Variants in FZD6 observed in about 807,000 individuals in gnomAD.
FZD6 encodes the protein frizzled class receptor 6, also known as frizzled-6.
Under a neutral mutation model 61.4 loss-of-function variants are expected in FZD6, and 49 were observed. The ratio of observed to expected loss-of-function variants is 0.80; its 90% CI spans 0.63 to 1.01. The LOEUF is 1.01. Among genes scored for constraint, FZD6 ranks in the 50% least tolerant of loss-of-function variants. The pLI is 0.00. For missense variants in FZD6, 724 were observed against 848.2 expected (o/e 0.85, Z 1.82); for synonymous variants, 265 against 292.2 (o/e 0.91, Z 0.95).
intron 3 of FZD6, among the ~76,000 whole-genome samples, chr8:103,321,710 A>G (rs1184166546): frequency 1.3e-5 from 2 of 152,236 alleles, no homozygotes; most frequent in Non-Finnish European, 2.9e-5. Context: ...AGCTCATCAG[A>G]GCACAGGCAC....
At chr8:103,305,275 A>G (rs1215163541) in intron 2 of FZD6, among the ~76,000 whole-genome samples, 1 of 152,258 alleles carries the variant, frequency 6.6e-6, no homozygotes, top group Non-Finnish European at 1.5e-5. Context: ...TGTTTGGAGC[A>G]GCAAGTGGTC....
rs1237305973 is a variant in FZD6 at position 103,312,741 on chromosome 8, C to CTA, written c.178-5848_178-5847dup. Among the ~76,000 whole-genome samples the CTA allele has an allele frequency of 2.0e-5, 3 of 152,182 alleles. No individual in the cohort carries two copies. The East Asian group carries it at 5.8e-4, about 29-fold the overall frequency. On this transcript the variant is annotated intron_variant, in intron 2 of 6. Coordinates refer to ENST00000358755, the MANE Select transcript of FZD6 (RefSeq NM_003506.4). ...TATAATGAGTTCAATACTAGGCTGA[C>CTA]TACCCATTATTTAAAGTGCTGTGAT...
chr8:103,331,382 A>G lies in FZD6; in HGVS notation c.1994A>G (p.Gln665Arg). Residue 665 changes from glutamine to arginine, a missense_variant, in exon 7 of 7, where the codon CAG becomes CGG. Transcript: ENST00000358755. ...GATATTACTGACACTGGCCTGGCAC[A>G]GAGCAACAATTTGCAGGTCCCCAGT... ...KSDITDTGLA[Q>R]SNNLQVPSSS... The G allele has an allele frequency of 5.6e-6, 9 of 1,613,128 alleles. No individual in the cohort carries two copies. The highest frequency in any genetic ancestry group is 7.6e-6 in the Non-Finnish European group (9 of 1,179,060).
At chr8:103,313,792 G>A (rs1387190503) in intron 2 of FZD6, among the ~76,000 whole-genome samples, 2 of 145,644 alleles carry the variant, frequency 1.4e-5, no homozygotes, top group South Asian at 2.2e-4. Flanking sequence ...GTGTGTGTGT[G>A]TGTGTGTGTG....
At chr8:103,307,881 G>A (rs779108001) in intron 2 of FZD6, 12 of 456,064 alleles carry the variant, frequency 2.6e-5, no homozygotes, top group South Asian at 1.2e-4. Flanking sequence ...GCTGGCACAG[G>A]TATGGTCTAC....
chr8:103,310,436 T>C (rs1318586269), intron 2 of FZD6, among the ~76,000 whole-genome samples: 1 of 152,072 alleles, frequency 6.6e-6, no homozygotes, highest in Non-Finnish European at 1.5e-5. Flanking sequence ...GACAACCTGC[T>C]ATTTTTTTTT....
intron 2 of FZD6, among the ~76,000 whole-genome samples, chr8:103,310,705 C>T (rs1814471448): frequency 2.0e-5 from 3 of 152,232 alleles, no homozygotes; most frequent in Admixed American, 6.5e-5. Flanking sequence ...TTTTCTGGTT[C>T]TCTGGCAGCA....
At chr8:103,302,591 T>C (rs1278342964) in intron 2 of FZD6, among the ~76,000 whole-genome samples, 1 of 152,224 alleles carries the variant, frequency 6.6e-6, no homozygotes. Context: ...CATAATGTCA[T>C]CTTTAACTGG....
rs1316246248 is a variant in FZD6 at position 103,332,341 on chromosome 8, A to C, written c.*832A>C. On this transcript the variant is annotated 3_prime_UTR_variant, in exon 7 of 7. Coordinates refer to ENST00000358755, the MANE Select transcript of FZD6 (RefSeq NM_003506.4). ...AAGTGCAATTGACTTCCCTTTTTTA[A>C]TGTTTCATGACCACCCATTGATTGT... 6.6e-6 allele frequency: 1 copy of C among 152,128 alleles called. No homozygotes were observed. Among genetic ancestry groups the C allele is most frequent in the African/African-American group, 2.4e-5 (1 of 41,452 alleles). 9.4% of individuals were successfully genotyped at this position (152,128 alleles called of 1,614,324 possible).
chr8:103,331,394 T>C lies in FZD6; in HGVS notation c.2006T>C (p.Leu669Ser), dbSNP rs777245445. The C allele has an allele frequency of 6.2e-7, 1 of 1,611,992 alleles. No individual in the cohort carries two copies. The highest frequency in any genetic ancestry group is 8.5e-7 in the Non-Finnish European group (1 of 1,178,046). The change falls in exon 7 of 7, where the codon TTG becomes TCG. Residue 669 changes from leucine to serine, a missense_variant. By Grantham distance (145) the Leu-to-Ser change is moderately radical (BLOSUM62 -2). Coordinates refer to ENST00000358755, the MANE Select transcript of FZD6 (RefSeq NM_003506.4). Reference protein sequence around the residue: ...TDTGLAQSNNLQVPSSSEPSS... With the variant: ...TDTGLAQSNNSQVPSSSEPSS... ...ACTGGCCTGGCACAGAGCAACAATTTGCAGGTCCCCAGTTCTTCAGAACCA... is the reference window on the plus strand; with the variant it reads ...ACTGGCCTGGCACAGAGCAACAATTCGCAGGTCCCCAGTTCTTCAGAACCA...
At position 103,319,348 on chromosome 8, in the gene FZD6, A is replaced by C. The variant is rs374624098; in HGVS notation, c.374+562A>C. On this transcript the variant is annotated intron_variant, in intron 3 of 6. Coordinates refer to ENST00000358755, the MANE Select transcript of FZD6 (RefSeq NM_003506.4). ...AGTGAGAAAGAATATGGTGCAAGATAAGGAAAGAGAGAGAAGCAGCAGTCA... is the reference window on the plus strand; with the variant it reads ...AGTGAGAAAGAATATGGTGCAAGATCAGGAAAGAGAGAGAAGCAGCAGTCA... Among the ~76,000 whole-genome samples the C allele has an allele frequency of 2.6e-5, 4 of 152,300 alleles. No homozygotes were observed. In the East Asian group the frequency reaches 5.8e-4, roughly 22 times the overall value.
chr8:103,330,294 A>G (rs912626056), intron 6 of FZD6, among the ~76,000 whole-genome samples: 1 of 152,170 alleles, frequency 6.6e-6, no homozygotes, highest in African/African-American at 2.4e-5. Flanking sequence ...TTCTGTGGCA[A>G]TTGTTAAGAG....
At chr8:103,326,540 T>C (rs1204867505) in intron 4 of FZD6, among the ~76,000 whole-genome samples, 1 of 152,038 alleles carries the variant, frequency 6.6e-6, no homozygotes, top group Non-Finnish European at 1.5e-5. Context: ...TCTGTAGTTA[T>C]TATGTTTTAT....
At chr8:103,314,308 T>C (rs1814573759) in intron 2 of FZD6, among the ~76,000 whole-genome samples, 1 of 152,188 alleles carries the variant, frequency 6.6e-6, no homozygotes, top group African/African-American at 2.4e-5. Context: ...TTTAATTCTT[T>C]CCACCAAAGG....
chr8:103,308,346 C>G (rs1814400051), intron 2 of FZD6, among the ~76,000 whole-genome samples: 1 of 152,148 alleles, frequency 6.6e-6, no homozygotes, highest in South Asian at 2.1e-4. Context: ...CTCCTAATAC[C>G]AGTTCTGTAG....
intron 2 of FZD6, among the ~76,000 whole-genome samples, chr8:103,312,641 A>C (rs1178821062): frequency 1.3e-5 from 2 of 152,214 alleles, no homozygotes; most frequent in African/African-American, 4.8e-5. Context: ...GAAGAACATA[A>C]AACATTTCAA....
In FZD6 at chr8:103,302,208, T is replaced by C. The variant is rs1031429966; in HGVS notation, c.177+1924T>C. 5.3e-5 allele frequency among the ~76,000 whole-genome samples: 8 copies of C among 152,246 alleles called. No homozygotes were observed. In the East Asian group the frequency reaches 1.2e-3, roughly 22 times the overall value. ...TCAGACTTTTAATCCCTATATGTAATTTCTCAGTGTATACTATTGTGTTTT... is the reference window on the plus strand; with the variant it reads ...TCAGACTTTTAATCCCTATATGTAACTTCTCAGTGTATACTATTGTGTTTT... On this transcript the variant is annotated intron_variant, in intron 2 of 6. Transcript: ENST00000358755.
chr8:103,301,802 T>C (rs1814178895), intron 2 of FZD6, among the ~76,000 whole-genome samples: 1 of 152,212 alleles, frequency 6.6e-6, no homozygotes, highest in Non-Finnish European at 1.5e-5. Context: ...CCTGTAATTA[T>C]AAGATGGTAG....
chr8:103,325,928 CA>C (rs1814940956), intron 4 of FZD6, among the ~76,000 whole-genome samples: 1 of 151,978 alleles, frequency 6.6e-6, no homozygotes, highest in Non-Finnish European at 1.5e-5. Context: ...TATATACTTA[CA>C]AAAACAGAAT....
Sources: gnomAD v4.1 joint callset for allele counts (sites outside exome capture counted in the v4.1 genomes callset) on GRCh38, gnomAD v4.1.1 for gene constraint, MANE v1.5 for transcripts, NCBI Gene and HGNC (gene_info 2026-07-23, HGNC 2026-07-21) for gene names.